Variants in OTOP1 observed in about 807,000 individuals in gnomAD.
The protein encoded by OTOP1 is proton channel OTOP1.
Under a neutral mutation model 52.9 loss-of-function variants are expected in OTOP1, and 59 were observed. The observed-to-expected ratio is 1.12, with a 90% CI of 0.91 to 1.39. OTOP1 has a LOEUF of 1.39. Among genes scored for constraint, OTOP1 ranks in the 40% most tolerant of loss-of-function variants. The pLI is 0.00. For missense variants in OTOP1, 761 were observed against 800.9 expected (o/e 0.95, Z 0.60); for synonymous variants, 317 against 337.7 (o/e 0.94, Z 0.67).
chr4:4,218,476 A>T (rs375264641), intron 1 of OTOP1, among the ~76,000 whole-genome samples: 14 of 152,078 alleles, frequency 9.2e-5, no homozygotes, highest in African/African-American at 2.9e-4. Flanking sequence ...AATAAATGGA[A>T]AAGGAGAGGG....
chr4:4,212,437 T>C (rs1457132174), intron 2 of OTOP1, among the ~76,000 whole-genome samples: 2 of 152,218 alleles, frequency 1.3e-5, no homozygotes, highest in African/African-American at 2.4e-5. Flanking sequence ...TATTAAATTT[T>C]TTAGAAAAAT....
chr4:4,197,891 C>A lies in OTOP1; in HGVS notation c.943G>T (p.Ala315Ser), dbSNP rs561501386. 3 of 1,614,082 alleles carry A rather than the reference C, an allele frequency of 1.9e-6. No individual in the cohort carries two copies. Residue 315 changes from alanine (A) to serine (S), a missense_variant, in exon 5 of 6, where the codon GCA (alanine) becomes TCA (serine). Ala to Ser is a moderately conservative substitution (Grantham distance 99). Transcript: ENST00000296358. ...GCCAGCACGGTCAGGCCCAGGACTG[C>A]GCCCACCATGACCCCATCAGACTTG... ...QFKSDGVMVG[A>S]VLGLTVLAAT...
chr4:4,213,025 G>A lies in OTOP1; in HGVS notation c.404-21C>T. ...ACTACCTAAATGTGGGATGAAGGGG[G>A]AAGTGGAAACACACACATTGCATTA... On this transcript the variant is annotated intron_variant, in intron 1 of 5. Coordinates refer to ENST00000296358, the MANE Select transcript of OTOP1 (RefSeq NM_177998.3). 2.5e-6 allele frequency: 4 copies of A among 1,611,576 alleles called. 1 individual carries two copies. The highest frequency in any genetic ancestry group is 2.2e-5 in the South Asian group (2 of 91,000).
At chr4:4,206,051 G>T in intron 3 of OTOP1, 21 bp downstream of exon 3, 3 of 1,579,298 alleles carry the variant, frequency 1.9e-6, no homozygotes, top group Non-Finnish European at 2.6e-6. Context: ...AACATATAAA[G>T]CAATTACCCA....
At chr4:4,192,656 A>G (rs2916410) in intron 5 of OTOP1, among the ~76,000 whole-genome samples, 109,661 of 152,002 alleles carry the variant, frequency 0.72, 40,169 homozygotes, top group African/African-American at 0.82. Context: ...AGGGTCCTCC[A>G]TCTCCAACAT....
intron 3 of OTOP1, among the ~76,000 whole-genome samples, chr4:4,203,621 G>T (rs975761404): frequency 4.6e-5 from 7 of 152,218 alleles, no homozygotes; most frequent in African/African-American, 1.7e-4. Flanking sequence ...TAGGGTCACT[G>T]ATTTCTTCAA....
intron 3 of OTOP1, 93 bp downstream of exon 3, chr4:4,205,979 T>G (rs1417170016): frequency 2.6e-6 from 3 of 1,151,834 alleles, no homozygotes; most frequent in Non-Finnish European, 3.8e-6. Flanking sequence ...GTTGGTCTGT[T>G]TTTATAACCA....
At chr4:4,200,481 A>AG (rs1176235874) in intron 4 of OTOP1, among the ~76,000 whole-genome samples, 4 of 151,352 alleles carry the variant, frequency 2.6e-5, no homozygotes, top group Non-Finnish European at 5.9e-5. Flanking sequence ...TCTAAAAAAA[A>AG]AAAAAAATCT....
intron 1 of OTOP1, among the ~76,000 whole-genome samples, chr4:4,222,683 G>A (rs1717327900): frequency 6.6e-6 from 1 of 152,200 alleles, no homozygotes; most frequent in Non-Finnish European, 1.5e-5. Context: ...AATGGATCTT[G>A]GGGATCACTG....
In OTOP1 at chr4:4,226,724, G is replaced by A. The variant is rs533632559; in HGVS notation, c.141C>T (p.Gly47=). 1.4e-5 allele frequency: 19 copies of A among 1,404,890 alleles called. No individual in the cohort carries two copies. The highest frequency in any genetic ancestry group is 2.6e-4 in the Middle Eastern group (1 of 3,818). 87.0% of individuals were successfully genotyped at this position (1,404,890 alleles called of 1,614,324 possible). ...TCTGTGGGACGCTGGCGCGCACACC[G>A]CCCCGCCGGGGGGCCGGGGATTCCG... The part of the protein sequence containing the change: ...RSPESPAPRR[G]GVRASVPQKL... The change falls in exon 1 of 6, where the codon GGC becomes GGT. Residue 47 remains glycine (G), a synonymous_variant. Transcript: ENST00000296358.
chr4:4,189,021 C>T (rs1176352023), intron 5 of OTOP1, 48 bp from the exon 6 acceptor site: 2 of 1,568,460 alleles, frequency 1.3e-6, no homozygotes, highest in South Asian at 2.3e-5. Context: ...GCTTCCAAGC[C>T]ACCACGGAGG....
At chr4:4,195,113 T>G (rs1716593536) in intron 5 of OTOP1, among the ~76,000 whole-genome samples, 1 of 152,118 alleles carries the variant, frequency 6.6e-6, no homozygotes, top group Admixed American at 6.5e-5. Flanking sequence ...AAGACTAGAC[T>G]CTAGCCAGGC....
intron 1 of OTOP1, among the ~76,000 whole-genome samples, chr4:4,223,685 A>G (rs760427457): frequency 9.2e-5 from 14 of 151,790 alleles, no homozygotes; most frequent in Non-Finnish European, 1.9e-4. Context: ...AGATAACCTG[A>G]GCTCAGGAGT....
At chr4:4,201,465 T>C (rs564201299) in intron 4 of OTOP1, among the ~76,000 whole-genome samples, 10,967 of 85,912 alleles carry the variant, frequency 0.13, 580 homozygotes, top group Admixed American at 0.23. Context: ...AATAAATATA[T>C]ATATATACAC....
chr4:4,195,653 C>G (rs564019648), intron 5 of OTOP1, among the ~76,000 whole-genome samples: 1 of 152,324 alleles, frequency 6.6e-6, no homozygotes, highest in East Asian at 1.9e-4. Context: ...CCCAAGAAGC[C>G]AACCTCTGGG....
At position 4,226,797 on chromosome 4, in the gene OTOP1, G is replaced by A. The variant is rs1560213400; in HGVS notation, c.68C>T (p.Ser23Leu). The change falls in exon 1 of 6, where the codon TCG (serine) becomes TTG (leucine). Residue 23 changes from serine to leucine, a missense_variant. Transcript: ENST00000296358. ...AAASASVAGS[S>L]GPAACSPPSS... ...GGGAGGCGAGCAGGCCGCTGGCCCC[G>A]ACGACCCTGCGACCGAGGCGCTTGC... is the stretch of plus-strand genomic sequence containing the variant. 1.5e-6 allele frequency: 2 copies of A among 1,370,962 alleles called. No homozygotes were observed. Among genetic ancestry groups the A allele is most frequent in the Non-Finnish European group, 1.9e-6 (2 of 1,067,176 alleles). 84.9% of individuals were successfully genotyped at this position (1,370,962 alleles called of 1,614,324 possible). A position where few individuals can be genotyped will look rare whatever the true frequency, so the allele number is the denominator to read the frequency against.
At chr4:4,222,541 GC>G (rs772795943) in intron 1 of OTOP1, among the ~76,000 whole-genome samples, 2 of 152,278 alleles carry the variant, frequency 1.3e-5, no homozygotes, top group Middle Eastern at 3.4e-3. Flanking sequence ...TTTTTTGGCA[GC>G]CACATTCGCT....
At chr4:4,189,169 G>C (rs1411396441) in intron 5 of OTOP1, among the ~76,000 whole-genome samples, 196 bp from the exon 6 acceptor site, 2 of 152,096 alleles carry the variant, frequency 1.3e-5, no homozygotes, top group Non-Finnish European at 2.9e-5. Context: ...CCATGATCCT[G>C]CTCACTTCCT....
In OTOP1 at chr4:4,197,788, A is replaced by G. The variant is rs536918492; in HGVS notation, c.1046T>C (p.Met349Thr). The G allele has an allele frequency of 1.0e-4, 162 of 1,614,074 alleles. 1 individual carries two copies. In the South Asian group the frequency reaches 1.6e-3, roughly 16 times the overall value. The change falls in exon 5 of 6, where the codon ATG (methionine) becomes ACG (threonine). Residue 349 changes from methionine to threonine, a missense_variant. Met to Thr is a moderately conservative substitution (Grantham distance 81). Coordinates refer to ENST00000296358, the MANE Select transcript of OTOP1 (RefSeq NM_177998.3). Reference protein sequence around the residue: ...SKTKSESALIMFYLYAITLLM... With the variant: ...SKTKSESALITFYLYAITLLM... ...CAGGGTGATGGCATACAGGTAGAAC[A>G]TGATGAGTGCCGACTCGCTCTTGGT...
Sources: gnomAD v4.1 joint callset for allele counts (sites outside exome capture counted in the v4.1 genomes callset) on GRCh38, gnomAD v4.1.1 for gene constraint, MANE v1.5 for transcripts, NCBI Gene and HGNC (gene_info 2026-07-23, HGNC 2026-07-21) for gene names.